ARSB: variants seen among roughly 807,000 people sequenced by gnomAD.
The protein encoded by ARSB is arylsulfatase B.
ARSB carries 41 observed loss-of-function variants against 50.9 expected under a neutral mutation model. The ratio of observed to expected loss-of-function variants is 0.81; its 90% CI spans 0.63 to 1.04. The LOEUF (loss-of-function observed/expected upper bound fraction) is 1.04, where lower values mean the gene tolerates loss of function less well. Ranked by LOEUF, ARSB falls within the 50% of genes least tolerant of loss-of-function variation. ARSB has a pLI of 0.00. For missense variants in ARSB, 672 were observed against 693.3 expected (o/e 0.97, Z 0.35); for synonymous variants, 269 against 284.8 (o/e 0.94, Z 0.56).
At chr5:78,819,205 C>A (rs1037989349) in intron 6 of ARSB, among the ~76,000 whole-genome samples, 11 of 152,120 alleles carry the variant, frequency 7.2e-5, no homozygotes, top group Non-Finnish European at 1.6e-4. Context: ...AGGTGATGGT[C>A]CTACCATCAT....
intron 4 of ARSB, among the ~76,000 whole-genome samples, chr5:78,915,554 A>G (rs1236582938): frequency 1.3e-5 from 2 of 152,200 alleles, no homozygotes; most frequent in Non-Finnish European, 2.9e-5. Flanking sequence ...AAAAAAAGAA[A>G]AGGAGAGTGA....
intron 4 of ARSB, among the ~76,000 whole-genome samples, chr5:78,916,550 T>G (rs1013704606): frequency 6.6e-6 from 1 of 152,222 alleles, no homozygotes; most frequent in Non-Finnish European, 1.5e-5. Context: ...GACATCTTTC[T>G]CTTATTGATA....
intron 1 of ARSB, among the ~76,000 whole-genome samples, chr5:78,976,901 A>G (rs1467041586): frequency 6.6e-6 from 1 of 152,092 alleles, no homozygotes; most frequent in Non-Finnish European, 1.5e-5. Flanking sequence ...TGGCACCCTC[A>G]TTCACTCAGC....
chr5:78,833,558 T>G (rs339031), intron 6 of ARSB, among the ~76,000 whole-genome samples: 115,338 of 152,056 alleles, frequency 0.76, 44,227 homozygotes, highest in Middle Eastern at 0.83. Context: ...TGGGAGGCAG[T>G]GGAGGGAGGA....
chr5:78,823,877 A>C (rs1222619207), intron 6 of ARSB, among the ~76,000 whole-genome samples: 1 of 152,244 alleles, frequency 6.6e-6, no homozygotes, highest in Non-Finnish European at 1.5e-5. Flanking sequence ...GTGGGGGAAG[A>C]GATTATAAAT....
intron 4 of ARSB, among the ~76,000 whole-genome samples, chr5:78,927,219 T>A (rs1293393223): frequency 6.6e-6 from 1 of 152,224 alleles, no homozygotes; most frequent in Non-Finnish European, 1.5e-5. Flanking sequence ...AAAAATATTA[T>A]CATTTCAATA....
chr5:78,867,611 T>C (rs955551095), intron 5 of ARSB, among the ~76,000 whole-genome samples: 1 of 152,070 alleles, frequency 6.6e-6, no homozygotes, highest in Non-Finnish European at 1.5e-5. Flanking sequence ...GAGGGTCCTG[T>C]CTGTTAGAAG....
At chr5:78,931,037 G>A (rs1233180218) in intron 4 of ARSB, among the ~76,000 whole-genome samples, 2 of 152,232 alleles carry the variant, frequency 1.3e-5, no homozygotes, top group South Asian at 4.1e-4. Flanking sequence ...TAACCCCAAA[G>A]CGGAGAGGAA....
At chr5:78,918,306 G>A (rs372391863) in intron 4 of ARSB, among the ~76,000 whole-genome samples, 4 of 152,044 alleles carry the variant, frequency 2.6e-5, no homozygotes, top group African/African-American at 4.8e-5. Flanking sequence ...TATTTTCTAC[G>A]TGGAATTAAA....
At chr5:78,972,516 T>TAC (rs59035274) in intron 1 of ARSB, among the ~76,000 whole-genome samples, 4,012 of 145,406 alleles carry the variant, frequency 0.028, 157 homozygotes, top group African/African-American at 0.084. Context: ...CACGCATACG[T>TAC]ACACACACAC....
At chr5:78,853,263 T>C (rs1745938595) in intron 5 of ARSB, among the ~76,000 whole-genome samples, 1 of 152,238 alleles carries the variant, frequency 6.6e-6, no homozygotes, top group African/African-American at 2.4e-5. Context: ...TTTGTTAGTT[T>C]TCCTTCTAAC....
chr5:78,841,622 C>T (rs565179614), intron 5 of ARSB, among the ~76,000 whole-genome samples: 1 of 152,050 alleles, frequency 6.6e-6, no homozygotes, highest in Non-Finnish European at 1.5e-5. Context: ...CACTGTAATA[C>T]CCCAAAATAT....
chr5:78,898,874 T>G (rs1748684217), intron 4 of ARSB, among the ~76,000 whole-genome samples: 1 of 152,248 alleles, frequency 6.6e-6, no homozygotes, highest in Non-Finnish European at 1.5e-5. Context: ...ATTCTGAGTT[T>G]GTCCAGGTAC....
chr5:78,943,143 C>T (rs1348282872), intron 4 of ARSB, among the ~76,000 whole-genome samples: 1 of 152,064 alleles, frequency 6.6e-6, no homozygotes, highest in Non-Finnish European at 1.5e-5. Context: ...GTAGATCTTC[C>T]TCCATCCCTT....
At chr5:78,909,783 C>T (rs994940181) in intron 4 of ARSB, among the ~76,000 whole-genome samples, 1 of 152,164 alleles carries the variant, frequency 6.6e-6, no homozygotes. Flanking sequence ...GCCCGAGACC[C>T]GTGAAGGGTC....
At chr5:78,865,166 G>A (rs987418401) in intron 5 of ARSB, among the ~76,000 whole-genome samples, 2 of 152,160 alleles carry the variant, frequency 1.3e-5, no homozygotes, top group East Asian at 3.8e-4. Context: ...CCCTAGCAGA[G>A]GTTCTCCGTG....
chr5:78,941,669 C>T (rs1561515848), intron 4 of ARSB, among the ~76,000 whole-genome samples: 1 of 152,070 alleles, frequency 6.6e-6, no homozygotes, highest in Non-Finnish European at 1.5e-5. Flanking sequence ...TGATGTGCTG[C>T]TGGATTTGGT....
chr5:78,856,114 C>A (rs1746129582), intron 5 of ARSB, among the ~76,000 whole-genome samples: 1 of 152,252 alleles, frequency 6.6e-6, no homozygotes, highest in Middle Eastern at 3.4e-3. Context: ...GTTATCCCAG[C>A]ACTATTTTTT....
At chr5:78,921,081 C>A (rs1288212763) in intron 4 of ARSB, among the ~76,000 whole-genome samples, 2 of 152,192 alleles carry the variant, frequency 1.3e-5, no homozygotes, top group Non-Finnish European at 2.9e-5. Flanking sequence ...TTTCCCAAAA[C>A]CTGGACGCTC....
Sources: gnomAD v4.1 joint callset for allele counts (sites outside exome capture counted in the v4.1 genomes callset) on GRCh38, gnomAD v4.1.1 for gene constraint, MANE v1.5 for transcripts, NCBI Gene and HGNC (gene_info 2026-07-23, HGNC 2026-07-21) for gene names.